ROR2: variants seen among roughly 807,000 people sequenced by gnomAD.
The protein encoded by ROR2 is ROR family WNT receptor 2, also known as tyrosine-protein kinase transmembrane receptor ROR2.
Under a neutral mutation model 74.9 loss-of-function variants are expected in ROR2, and 33 were observed. That is an observed-to-expected ratio of 0.44 (90% CI 0.33 to 0.59). The LOEUF is 0.59. Ranked by LOEUF, ROR2 falls within the 20% of genes least tolerant of loss-of-function variation. The pLI, the probability that ROR2 is intolerant of heterozygous loss-of-function variation, is 0.02. For synonymous variants in ROR2, 586 were observed against 558.7 expected, an observed-to-expected ratio of 1.05 and a Z score of -0.69; for missense variants, 1,216 against 1,313.8, an observed-to-expected ratio of 0.93 and a Z score of 1.15.
chr9:91,834,207 G>A (rs1241989668), intron 1 of ROR2, among the ~76,000 whole-genome samples: 1 of 152,178 alleles, frequency 6.6e-6, no homozygotes, highest in South Asian at 2.1e-4. Context: ...GTGGGCTACG[G>A]GAGCCCACTC....
chr9:91,871,418 G>A (rs183430899), intron 1 of ROR2, among the ~76,000 whole-genome samples: 2 of 152,324 alleles, frequency 1.3e-5, no homozygotes, highest in Admixed American at 6.5e-5. Flanking sequence ...TCACCCTACA[G>A]TGGAAGAATG....
chr9:91,942,402 C>T (rs921847630), intron 1 of ROR2, among the ~76,000 whole-genome samples: 11 of 152,172 alleles, frequency 7.2e-5, no homozygotes, highest in Admixed American at 6.5e-4. Context: ...TTTGAGACCA[C>T]AGACATTTCC....
intron 1 of ROR2, among the ~76,000 whole-genome samples, chr9:91,875,914 T>A (rs1018600604): frequency 2.0e-5 from 3 of 151,924 alleles, no homozygotes; most frequent in African/African-American, 7.3e-5. Context: ...CAAGGTGGGG[T>A]AACAAACAAT....
chr9:91,765,407 G>C (rs1826030453), intron 2 of ROR2, among the ~76,000 whole-genome samples: 2 of 152,080 alleles, frequency 1.3e-5, no homozygotes, highest in Non-Finnish European at 2.9e-5. Context: ...CACTCATCCT[G>C]GGCCTCGACA....
At chr9:91,788,153 T>C (rs540755376) in intron 1 of ROR2, among the ~76,000 whole-genome samples, 1 of 151,954 alleles carries the variant, frequency 6.6e-6, no homozygotes, top group African/African-American at 2.4e-5. Context: ...GGCAGGTCAA[T>C]AGAGATTATC....
At chr9:91,725,163 A>G in intron 8 of ROR2, 56 bp from the exon 9 acceptor site, 1 of 1,607,182 alleles carries the variant, frequency 6.2e-7, no homozygotes, top group Non-Finnish European at 8.5e-7. Context: ...CCCTGGAGGA[A>G]GCTGCAGAGC....
intron 1 of ROR2, among the ~76,000 whole-genome samples, chr9:91,814,107 G>A (rs1827843779): frequency 6.6e-6 from 1 of 152,228 alleles, no homozygotes; most frequent in African/African-American, 2.4e-5. Context: ...AGGATCGCTT[G>A]AGGCTGGGAG....
chr9:91,799,439 G>A (rs1422824957), intron 1 of ROR2, among the ~76,000 whole-genome samples: 1 of 152,174 alleles, frequency 6.6e-6, no homozygotes, highest in Non-Finnish European at 1.5e-5. Flanking sequence ...CGGGCTCTCA[G>A]CACGGAGGTG....
At chr9:91,891,625 G>A (rs1013428052) in intron 1 of ROR2, among the ~76,000 whole-genome samples, 44 of 152,296 alleles carry the variant, frequency 2.9e-4, no homozygotes, top group African/African-American at 1.1e-3. Flanking sequence ...GTTCATTCAG[G>A]TTGTTGTCCA....
chr9:91,730,814 C>A (rs1837211764), intron 7 of ROR2, 96 bp downstream of exon 7: 2 of 1,552,236 alleles, frequency 1.3e-6, no homozygotes, highest in Non-Finnish European at 1.8e-6. Context: ...CGCCACCGTA[C>A]AGAGGCACAC....
intron 1 of ROR2, among the ~76,000 whole-genome samples, chr9:91,923,055 T>G (rs780909591): frequency 6.6e-6 from 1 of 152,134 alleles, no homozygotes; most frequent in South Asian, 2.1e-4. Flanking sequence ...TGCCAAAGAA[T>G]AGATGTCTGT....
At chr9:91,786,598 A>G (rs1157483275) in intron 1 of ROR2, among the ~76,000 whole-genome samples, 1 of 152,184 alleles carries the variant, frequency 6.6e-6, no homozygotes, top group Admixed American at 6.5e-5. Flanking sequence ...CAAGGCCACC[A>G]ACCTCGCAAA....
intron 1 of ROR2, among the ~76,000 whole-genome samples, chr9:91,875,490 G>C (rs1179531226): frequency 6.6e-6 from 1 of 152,120 alleles, no homozygotes; most frequent in African/African-American, 2.4e-5. Flanking sequence ...ACCCACCAGT[G>C]AACAATGCTG....
intron 1 of ROR2, among the ~76,000 whole-genome samples, chr9:91,932,208 C>T (rs1831565973): frequency 6.6e-6 from 1 of 152,072 alleles, no homozygotes; most frequent in Non-Finnish European, 1.5e-5. Context: ...AAAAAAAGAT[C>T]ATTAAGAACC....
intron 1 of ROR2, among the ~76,000 whole-genome samples, chr9:91,778,281 C>T (rs774056416): frequency 5.9e-5 from 9 of 152,260 alleles, no homozygotes; most frequent in Non-Finnish European, 8.8e-5. Context: ...AATGGGCTAT[C>T]ATCGTTCCTG....
In ROR2 at chr9:91,796,840, G is replaced by A. The variant is rs1827195262; in HGVS notation, c.98-21022C>T. ...GATCTGTGGGTGGGGCTGACACCCT[G>A]GGCTCTGTGGGTGGGGCTGACACCC... On this transcript the variant is annotated intron_variant, in intron 1 of 8. Transcript: ENST00000375708. 1.5e-5 allele frequency among the ~76,000 whole-genome samples: 2 copies of A among 131,176 alleles called. 1 individual carries two copies. Among genetic ancestry groups the A allele is most frequent in the Non-Finnish European group, 3.1e-5 (2 of 63,842 alleles). 86.1% of individuals were successfully genotyped at this position (131,176 alleles called of 152,430 possible).
intron 1 of ROR2, among the ~76,000 whole-genome samples, chr9:91,811,304 G>A (rs536030164): frequency 6.6e-6 from 1 of 152,324 alleles, no homozygotes; most frequent in African/African-American, 2.4e-5. Context: ...GGGAGCGCAG[G>A]GCCCACATGG....
intron 1 of ROR2, among the ~76,000 whole-genome samples, chr9:91,776,485 C>T (rs1587708494): frequency 6.6e-6 from 1 of 152,314 alleles, no homozygotes; most frequent in Middle Eastern, 3.4e-3. Flanking sequence ...GCAAACCATA[C>T]ACCTCTCCCG....
At position 91,949,941 on chromosome 9, in the gene ROR2, G is replaced by A. The variant is rs1481119994; in HGVS notation, c.23C>T (p.Pro8Leu). Residue 8 changes from proline to leucine, a missense_variant, in exon 1 of 9, where the codon CCG (proline) becomes CTG (leucine). Pro to Leu is a moderately conservative substitution (Grantham distance 98, BLOSUM62 -3). Transcript: ENST00000375708. MARGSAL[P>L]RRPLLCIPAV... ...CGGGATGCACAGCAGCGGCCGCCGCGGGAGCGCCGAGCCCCGGGCCATGCC... is the reference window on the plus strand; with the variant it reads ...CGGGATGCACAGCAGCGGCCGCCGCAGGAGCGCCGAGCCCCGGGCCATGCC... 1.3e-6 allele frequency: 2 copies of A among 1,513,022 alleles called. No homozygotes were observed. Among genetic ancestry groups the A allele is most frequent in the South Asian group, 1.2e-5 (1 of 81,434 alleles). 93.7% of individuals were successfully genotyped at this position (1,513,022 alleles called of 1,614,324 possible).
Sources: gnomAD v4.1 joint callset for allele counts (sites outside exome capture counted in the v4.1 genomes callset) on GRCh38, gnomAD v4.1.1 for gene constraint, MANE v1.5 for transcripts, NCBI Gene and HGNC (gene_info 2026-07-23, HGNC 2026-07-21) for gene names.